Variants in ROR1 observed in about 807,000 individuals in gnomAD.
The protein encoded by ROR1 is ROR family WNT receptor 1.
Under a neutral mutation model 78.8 loss-of-function variants are expected in ROR1, and 19 were observed. The ratio of observed to expected loss-of-function variants is 0.24; its 90% CI spans 0.17 to 0.35. The LOEUF (loss-of-function observed/expected upper bound fraction) is 0.35, where lower values mean the gene tolerates loss of function less well. ROR1 is among the 10% of genes least tolerant of loss of function. The pLI is 1.00. For missense variants in ROR1, 917 were observed against 1,177.8 expected (o/e 0.78, Z 3.24); for synonymous variants, 386 against 433.6 (o/e 0.89, Z 1.36).
chr1:64,155,047 T>C (rs191453830), intron 7 of ROR1, among the ~76,000 whole-genome samples: 219 of 152,332 alleles, frequency 1.4e-3, no homozygotes, highest in Non-Finnish European at 2.7e-3. Context: ...TTTTGATTAG[T>C]AATATAATTT....
At chr1:64,110,279 A>T (rs1648035354) in intron 4 of ROR1, among the ~76,000 whole-genome samples, 1 of 152,198 alleles carries the variant, frequency 6.6e-6, no homozygotes, top group Admixed American at 6.6e-5. Context: ...TTTTAACTAG[A>T]TTTTATGTGC....
chr1:64,065,906 G>C lies in ROR1; in HGVS notation c.482+15190G>C, dbSNP rs537496929. On this transcript the variant is annotated intron_variant, in intron 4 of 8. Coordinates refer to ENST00000371079, the MANE Select transcript of ROR1 (RefSeq NM_005012.4). ...ATTAGTCTGGGGTCAATTCAGGCCA[G>C]CTGGGATCACCCTGTGCCTTTCAAC... 2.0e-5 allele frequency among the ~76,000 whole-genome samples: 3 copies of C among 152,362 alleles called. No homozygotes were observed. The South Asian group carries it at 6.2e-4, about 32-fold the overall frequency.
intron 1 of ROR1, among the ~76,000 whole-genome samples, chr1:63,879,927 G>A (rs1269202123): frequency 4.6e-5 from 7 of 152,048 alleles, no homozygotes; most frequent in South Asian, 4.2e-4. Context: ...TGGAGTAGGG[G>A]TCCCCAAAAA....
rs1011194782 is a variant in ROR1, at chr1:64,141,168, A to C, written c.928+742A>C. Among the ~76,000 whole-genome samples the C allele has an allele frequency of 2.0e-5, 3 of 152,186 alleles. No homozygotes were observed. In the East Asian group the frequency reaches 5.8e-4, roughly 29 times the overall value. ...AAATAAATGCACTAATGGTACATGT[A>C]ATGGTAAGTGTATTATAGCATGTAT... On this transcript the variant is annotated intron_variant, in intron 6 of 8. Transcript: ENST00000371079.
intron 2 of ROR1, among the ~76,000 whole-genome samples, chr1:64,033,878 T>G (rs923811251): frequency 6.6e-6 from 1 of 152,220 alleles, no homozygotes; most frequent in Non-Finnish European, 1.5e-5. Context: ...AGCTTGGAGA[T>G]GTGAAATAAT....
intron 7 of ROR1, 132 bp downstream of exon 7, chr1:64,142,782 T>C: frequency 6.8e-7 from 1 of 1,466,860 alleles, no homozygotes; most frequent in South Asian, 1.4e-5. Context: ...AATCTGGTTT[T>C]AGGGTAAACC....
At chr1:63,925,090 G>A (rs564204128) in intron 1 of ROR1, among the ~76,000 whole-genome samples, 6 of 150,294 alleles carry the variant, frequency 4.0e-5, no homozygotes, top group East Asian at 2.0e-4. Flanking sequence ...GTATACATGT[G>A]CCATGCTGGT....
chr1:64,041,706 T>C (rs1442241357), intron 2 of ROR1, among the ~76,000 whole-genome samples: 4 of 152,246 alleles, frequency 2.6e-5, no homozygotes, highest in African/African-American at 7.2e-5. Context: ...AAACCCACTC[T>C]TACTACTCTG....
chr1:64,097,457 A>G (rs1647341466), intron 4 of ROR1, among the ~76,000 whole-genome samples: 1 of 152,110 alleles, frequency 6.6e-6, no homozygotes, highest in South Asian at 2.1e-4. Context: ...CATGTAACAT[A>G]TTCAAATGCT....
At chr1:63,978,487 A>G (rs1045917803) in intron 1 of ROR1, among the ~76,000 whole-genome samples, 20 of 152,194 alleles carry the variant, frequency 1.3e-4, no homozygotes, top group African/African-American at 4.8e-4. Context: ...CTGGGATCAC[A>G]TTTATTTTGT....
At chr1:64,021,468 G>A (rs571258691) in intron 2 of ROR1, among the ~76,000 whole-genome samples, 2 of 152,316 alleles carry the variant, frequency 1.3e-5, no homozygotes, top group East Asian at 3.9e-4. Context: ...AAATCCCTGT[G>A]TGGGAAGTAC....
intron 1 of ROR1, among the ~76,000 whole-genome samples, chr1:63,784,984 A>G (rs1644675232): frequency 6.6e-6 from 1 of 152,184 alleles, no homozygotes; most frequent in Admixed American, 6.5e-5. Flanking sequence ...GGTTATAATT[A>G]TATTGTTTCT....
chr1:64,142,088 A>G (rs182461640), intron 6 of ROR1, among the ~76,000 whole-genome samples: 2 of 152,338 alleles, frequency 1.3e-5, no homozygotes, highest in South Asian at 2.1e-4. Context: ...ACCATTCACT[A>G]GGAAATTACT....
chr1:63,908,078 A>C (rs981409697), intron 1 of ROR1, among the ~76,000 whole-genome samples: 3 of 152,156 alleles, frequency 2.0e-5, no homozygotes, highest in Non-Finnish European at 4.4e-5. Flanking sequence ...AATTACACTC[A>C]CTTGCTCCTC....
intron 2 of ROR1, among the ~76,000 whole-genome samples, chr1:64,011,745 A>G (rs1201212548): frequency 1.3e-5 from 2 of 152,210 alleles, no homozygotes; most frequent in African/African-American, 4.8e-5. Context: ...CTTTCTCTAG[A>G]AGGTAATTAG....
intron 5 of ROR1, among the ~76,000 whole-genome samples, chr1:64,138,544 G>A (rs1301400931): frequency 6.7e-6 from 1 of 150,346 alleles, no homozygotes; most frequent in East Asian, 2.0e-4. Context: ...GAGGGAGGAG[G>A]ACTTTTTTTT....
chr1:63,945,081 G>A (rs1190165746), intron 1 of ROR1, among the ~76,000 whole-genome samples: 1 of 152,004 alleles, frequency 6.6e-6, no homozygotes, highest in Non-Finnish European at 1.5e-5. Flanking sequence ...GAAAATCATC[G>A]AACATCCAGG....
intron 1 of ROR1, among the ~76,000 whole-genome samples, chr1:63,821,717 G>A (rs1259394238): frequency 6.6e-6 from 1 of 152,196 alleles, no homozygotes; most frequent in Non-Finnish European, 1.5e-5. Context: ...GAGGAAAACA[G>A]AAAGACCCAT....
At chr1:63,818,130 GAGCTGGGGTT>G (rs1397546833) in intron 1 of ROR1, among the ~76,000 whole-genome samples, 10 of 152,204 alleles carry the variant, frequency 6.6e-5, no homozygotes, top group Admixed American at 6.5e-4. Context: ...GTGAGTATCT[GAGCTGGGGTT>G]AGAACCCAGT....
Sources: allele counts gnomAD v4.1 joint callset (sites outside exome capture counted in the v4.1 genomes callset), GRCh38; gene constraint gnomAD v4.1.1; transcripts MANE v1.5; gene names NCBI Gene and HGNC (gene_info 2026-07-23, HGNC 2026-07-21).